The following RPAP2 variants were observed in gnomAD, a reference collection of about 807,000 sequenced individuals.
RPAP2 encodes the protein RNA polymerase II associated protein 2, also known as putative RNA polymerase II subunit B1 CTD phosphatase RPAP2.
RPAP2 carries 52 observed loss-of-function variants against 73.1 expected under a neutral mutation model. That is an observed-to-expected ratio of 0.71 (90% CI 0.57 to 0.90). The LOEUF (loss-of-function observed/expected upper bound fraction) is 0.90. Among genes scored for constraint, RPAP2 ranks in the 40% least tolerant of loss-of-function variants. RPAP2 has a pLI of 0.00. For missense variants in RPAP2, 598 were observed against 701.8 expected (o/e 0.85, Z 1.67); for synonymous variants, 225 against 242.1 (o/e 0.93, Z 0.65).
chr1:92,341,710 T>C (rs1044645554), intron 10 of RPAP2, among the ~76,000 whole-genome samples: 11 of 152,220 alleles, frequency 7.2e-5, no homozygotes, highest in African/African-American at 2.4e-4. Context: ...AGTGGCATAA[T>C]CTTGGCTCAC....
intron 9 of RPAP2, 42 bp downstream of exon 9, chr1:92,333,515 A>G (rs1557607930): frequency 1.5e-6 from 2 of 1,357,186 alleles, no homozygotes; most frequent in Non-Finnish European, 2.1e-6. Context: ...GTAGTTTTAA[A>G]TTAACTTGAC....
At chr1:92,344,877 ATTCCCTG>A (rs1653798250) in intron 10 of RPAP2, among the ~76,000 whole-genome samples, 1 of 151,966 alleles carries the variant, frequency 6.6e-6, no homozygotes, top group African/African-American at 2.4e-5. Flanking sequence ...TCCTCTATAA[ATTCCCTG>A]TTCATATCCT....
chr1:92,390,955 C>T lies in RPAP2; in HGVS notation c.*3944C>T, dbSNP rs1043385106. 7 of 152,182 alleles carry T rather than the reference C, an allele frequency of 4.6e-5. No homozygotes were observed. Among genetic ancestry groups the T allele is most frequent in the African/African-American group, 1.7e-4 (7 of 41,450 alleles). 9.4% of individuals were successfully genotyped at this position (152,182 alleles called of 1,614,324 possible). On this transcript the variant is annotated 3_prime_UTR_variant, in exon 13 of 13. Coordinates refer to ENST00000610020, the MANE Select transcript of RPAP2 (RefSeq NM_024813.3). ...ATTAATGGGTGACTTTAACACCCCA[C>T]TGTCAATATTAGACAGATCAACAAG... is the stretch of plus-strand genomic sequence containing the variant.
In RPAP2 at chr1:92,301,553, T is replaced by G; in HGVS notation, c.197T>G (p.Leu66Ter). The change falls in exon 3 of 13, where the codon TTA becomes TGA. Residue 66 changes from leucine to a stop codon, truncating the protein, a stop_gained. Transcript: ENST00000610020. LOFTEE classifies it high-confidence loss of function. ...RKALHIVEQLLEENITEEFLM... is the reference protein window; with the variant it reads ...RKALHIVEQL The stretch of plus-strand genomic sequence containing the variant: ...GCTCTACATATTGTTGAACAGCTTT[T>G]AGAGGAGAATATTACAGAAGAGTTC... 3 of 1,566,512 alleles carry G rather than the reference T, an allele frequency of 1.9e-6. No individual in the cohort carries two copies. Among genetic ancestry groups the G allele is most frequent in the Non-Finnish European group, 2.6e-6 (3 of 1,153,428 alleles).
intron 7 of RPAP2, among the ~76,000 whole-genome samples, chr1:92,323,102 C>G (rs1380165088): frequency 6.8e-6 from 1 of 146,318 alleles, no homozygotes; most frequent in Non-Finnish European, 1.5e-5. Context: ...TTTGCAACAA[C>G]AGGCAAATCC....
chr1:92,323,891 TAACTC>T lies in RPAP2; in HGVS notation c.972_976del (p.Thr325SerfsTer5). 1 of 1,614,080 alleles carries T rather than the reference TAACTC, an allele frequency of 6.2e-7. No individual in the cohort carries two copies. Among genetic ancestry groups the T allele is most frequent in the Non-Finnish European group, 8.5e-7 (1 of 1,179,986 alleles). ...GAAAGTGAATACAGTAGGTCAGAAA[TAACTC>T]TAGTAGGCATAAGTAAGAAAAGTGC... On this transcript the variant is annotated frameshift_variant, in exon 8 of 13. Transcript: ENST00000610020. LOFTEE classifies it high-confidence loss of function.
At chr1:92,318,142 G>A (rs912854565) in intron 6 of RPAP2, among the ~76,000 whole-genome samples, 1 of 152,144 alleles carries the variant, frequency 6.6e-6, no homozygotes, top group South Asian at 2.1e-4. Context: ...TTAAACAATT[G>A]TAGATTCTTT....
chr1:92,351,389 T>C (rs1654210039), intron 11 of RPAP2, among the ~76,000 whole-genome samples: 1 of 151,524 alleles, frequency 6.6e-6, no homozygotes, highest in African/African-American at 2.4e-5. Context: ...AAGTATATCA[T>C]ATTTGTTTTT....
At chr1:92,301,132 G>A (rs1000265197) in intron 2 of RPAP2, among the ~76,000 whole-genome samples, 4 of 152,140 alleles carry the variant, frequency 2.6e-5, no homozygotes, top group Non-Finnish European at 1.5e-5. Context: ...TATGTGCAGT[G>A]CAAAAAGTAG....
At chr1:92,331,244 T>C (rs562716249) in intron 8 of RPAP2, among the ~76,000 whole-genome samples, 1 of 152,350 alleles carries the variant, frequency 6.6e-6, no homozygotes, top group Non-Finnish European at 1.5e-5. Context: ...TTGCTGACAT[T>C]AACATTCTTG....
chr1:92,372,441 T>C (rs1571139395), intron 11 of RPAP2, among the ~76,000 whole-genome samples: 1 of 152,124 alleles, frequency 6.6e-6, no homozygotes, highest in South Asian at 2.1e-4. Flanking sequence ...CCAGGACAAA[T>C]GGAAGTGAGG....
At position 92,391,296 on chromosome 1, in the gene RPAP2, G is replaced by A. The variant is rs1332157593; in HGVS notation, c.*4285G>A. 7.2e-5 allele frequency: 11 copies of A among 152,068 alleles called. No homozygotes were observed. The highest frequency in any genetic ancestry group is 2.9e-5 in the Non-Finnish European group (2 of 68,010). The allele number at this position is 152,068 out of a possible 1,614,324, so 9.4% of individuals were successfully genotyped here. A position where few individuals can be genotyped will look rare whatever the true frequency, so the allele number is the denominator to read the frequency against. ...CCTGAATGACTACTGGGTAAATAAC[G>A]AAATGAAGGCAGAAATAAAGATGTT... On this transcript the variant is annotated 3_prime_UTR_variant, in exon 13 of 13. Coordinates refer to ENST00000610020, the MANE Select transcript of RPAP2 (RefSeq NM_024813.3).
At chr1:92,307,050 T>A (rs2101115060) in intron 5 of RPAP2, 138 bp from the exon 6 acceptor site, 1 of 629,914 alleles carries the variant, frequency 1.6e-6, no homozygotes, top group East Asian at 2.8e-5. Flanking sequence ...GTTCAGTATC[T>A]TATTTCTTAC....
At chr1:92,310,812 G>A (rs1156231277) in intron 6 of RPAP2, among the ~76,000 whole-genome samples, 3 of 152,166 alleles carry the variant, frequency 2.0e-5, no homozygotes, top group East Asian at 1.9e-4. Context: ...AAGAAGAACC[G>A]CTTGAACCTG....
intron 7 of RPAP2, among the ~76,000 whole-genome samples, chr1:92,321,323 C>T (rs1388933173): frequency 6.6e-6 from 1 of 152,052 alleles, no homozygotes; most frequent in African/African-American, 2.4e-5. Flanking sequence ...TGAGCTTACA[C>T]CTATTTTTAC....
intron 6 of RPAP2, among the ~76,000 whole-genome samples, chr1:92,308,444 A>G (rs898171906): frequency 6.6e-6 from 1 of 152,156 alleles, no homozygotes; most frequent in Non-Finnish European, 1.5e-5. Flanking sequence ...GTACTTCCCC[A>G]GTCCTCTGAG....
intron 11 of RPAP2, among the ~76,000 whole-genome samples, chr1:92,376,396 A>G (rs1368823560): frequency 6.6e-6 from 1 of 152,204 alleles, no homozygotes; most frequent in East Asian, 1.9e-4. Flanking sequence ...AAGGGAATAA[A>G]TAAGATTAAA....
Position 92,396,187 on chromosome 1 carries a change from A to G in RPAP2, c.*9176A>G, listed in dbSNP as rs973950528. ...GTCAAAAAGTGGAAACCAAATGACC[A>G]TCAACTACTGGATTTTTTTTTTTTT... On this transcript the variant is annotated 3_prime_UTR_variant, in exon 13 of 13. Coordinates refer to ENST00000610020, the MANE Select transcript of RPAP2 (RefSeq NM_024813.3). 3.3e-5 allele frequency: 5 copies of G among 151,956 alleles called. No individual in the cohort carries two copies. Among genetic ancestry groups the G allele is most frequent in the African/African-American group, 1.2e-4 (5 of 41,366 alleles). The allele number at this position is 151,956 out of a possible 1,614,324, so 9.4% of individuals were successfully genotyped here. A position where few individuals can be genotyped will look rare whatever the true frequency, so the allele number is the denominator to read the frequency against.
chr1:92,384,943 A>T (rs761268344), intron 12 of RPAP2, among the ~76,000 whole-genome samples: 4 of 152,104 alleles, frequency 2.6e-5, no homozygotes, highest in Non-Finnish European at 5.9e-5. Flanking sequence ...TGAGCCCAGG[A>T]GTTCAAGACC....
Sources: allele counts gnomAD v4.1 joint callset (sites outside exome capture counted in the v4.1 genomes callset), GRCh38; gene constraint gnomAD v4.1.1; transcripts MANE v1.5; gene names NCBI Gene and HGNC (gene_info 2026-07-23, HGNC 2026-07-21).